The following CEP120 variants were observed in gnomAD, a reference collection of about 807,000 sequenced individuals.
CEP120 encodes centrosomal protein 120.
Under a neutral mutation model 126.5 loss-of-function variants are expected in CEP120, and 113 were observed. The observed-to-expected ratio is 0.89, with a 90% CI of 0.77 to 1.04. The LOEUF (loss-of-function observed/expected upper bound fraction) is 1.04. Ranked by LOEUF, CEP120 falls within the 50% of genes least tolerant of loss-of-function variation. The pLI is 0.00. For missense variants in CEP120, 1,230 were observed against 1,155.7 expected, an observed-to-expected ratio of 1.06 and a Z score of -0.93; for synonymous variants, 400 against 394.3, an observed-to-expected ratio of 1.01 and a Z score of -0.17.
Position 123,345,840 on chromosome 5 carries a change from A to T in CEP120, c.*679T>A, listed in dbSNP as rs10077291. On this transcript the variant is annotated 3_prime_UTR_variant, in exon 20 of 20. Coordinates refer to ENST00000306467, the MANE Select transcript of CEP120 (RefSeq NM_001375405.1). The stretch of plus-strand genomic sequence containing the variant: ...AAAGAAAACAATGCAAACTTGAGGA[A>T]GAAACCAACAGAGAAAACTATATTA... 0.041 allele frequency: 6,291 copies of T among 152,294 alleles called. 224 individuals carry two copies. Among genetic ancestry groups the T allele is most frequent in the Non-Finnish European group, 0.06 (4,085 of 68,016 alleles). 9.4% of individuals were successfully genotyped at this position (152,294 alleles called of 1,614,324 possible).
chr5:123,359,829 A>T (rs1167137405), intron 18 of CEP120, among the ~76,000 whole-genome samples: 1 of 152,070 alleles, frequency 6.6e-6, no homozygotes, highest in African/African-American at 2.4e-5. Flanking sequence ...TTTAATTCAC[A>T]AATAGACTAT....
intron 10 of CEP120, among the ~76,000 whole-genome samples, chr5:123,385,619 GTTT>G (rs35110133): frequency 2.8e-5 from 4 of 140,614 alleles, no homozygotes; most frequent in African/African-American, 5.3e-5. Flanking sequence ...GACTATACCT[GTTT>G]TTTTTTTTTT....
At chr5:123,417,015 T>G (rs1411167203) in intron 2 of CEP120, among the ~76,000 whole-genome samples, 2 of 152,236 alleles carry the variant, frequency 1.3e-5, no homozygotes, top group Non-Finnish European at 2.9e-5. Context: ...TGAATGGATT[T>G]TGCCACTGCT....
At chr5:123,375,953 T>C (rs1020892636) in intron 16 of CEP120, among the ~76,000 whole-genome samples, 31 of 152,138 alleles carry the variant, frequency 2.0e-4, no homozygotes, top group Non-Finnish European at 5.9e-5. Context: ...TACATTGGAA[T>C]TTTTCAAGAA....
At chr5:123,367,747 GTTAAC>G (rs1770567566) in intron 17 of CEP120, among the ~76,000 whole-genome samples, 1 of 151,890 alleles carries the variant, frequency 6.6e-6, no homozygotes, top group Non-Finnish European at 1.5e-5. Flanking sequence ...ATATGTTTAT[GTTAAC>G]TTATTTTTAG....
chr5:123,386,387 A>T, intron 10 of CEP120, 131 bp downstream of exon 10: 1 of 568,548 alleles, frequency 1.8e-6, no homozygotes, highest in Non-Finnish European at 2.7e-6. Context: ...TAATTAGTAA[A>T]TTTGTTTCTT....
chr5:123,396,289 T>C (rs1468275203), intron 5 of CEP120, among the ~76,000 whole-genome samples: 2 of 152,346 alleles, frequency 1.3e-5, no homozygotes, highest in Admixed American at 1.3e-4. Flanking sequence ...TTTGAATACC[T>C]ATTTCCAATA....
intron 10 of CEP120, among the ~76,000 whole-genome samples, chr5:123,386,156 G>T (rs1300456948): frequency 6.6e-6 from 1 of 151,916 alleles, no homozygotes; most frequent in Non-Finnish European, 1.5e-5. Context: ...TTCATTCAGT[G>T]AATCAACAAT....
At chr5:123,358,474 C>A (rs1463832225) in intron 18 of CEP120, 1 of 152,004 alleles carries the variant, frequency 6.6e-6, no homozygotes, top group African/African-American at 2.4e-5. Context: ...TGCTGGTGAT[C>A]TGTAGTGTCT....
intron 16 of CEP120, among the ~76,000 whole-genome samples, chr5:123,375,507 G>A (rs1771146948): frequency 6.6e-6 from 1 of 151,986 alleles, no homozygotes; most frequent in African/African-American, 2.4e-5. Flanking sequence ...ATGTTTTGAA[G>A]AGATGCAGTT....
At chr5:123,416,152 T>C (rs1172423265) in intron 2 of CEP120, 28 bp from the exon 3 acceptor site, 1 of 1,367,814 alleles carries the variant, frequency 7.3e-7, no homozygotes, top group Non-Finnish European at 1.0e-6. Context: ...ATAAATAAAA[T>C]GGTTTTTGCT....
At position 123,383,125 on chromosome 5, in the gene CEP120, TTTATA is replaced by T. The variant is rs752656075; in HGVS notation, c.1764-48_1764-44del. ...AATACCTTAAAATTCACAGAAATAC[TTTATA>T]TTATTTTTCCTTTTATTTCCCCAGT... is the stretch of plus-strand genomic sequence containing the variant. On this transcript the variant is annotated intron_variant, in intron 11 of 19. Coordinates refer to ENST00000306467, the MANE Select transcript of CEP120 (RefSeq NM_001375405.1). 3 of 1,113,036 alleles carry T rather than the reference TTTATA, an allele frequency of 2.7e-6. No individual in the cohort carries two copies. In the African/African-American group the frequency reaches 4.8e-5, roughly 18 times the overall value. The allele number at this position is 1,113,036 out of a possible 1,614,324, so 68.9% of individuals were successfully genotyped here.
chr5:123,394,124 C>T (rs1332038566), intron 5 of CEP120, among the ~76,000 whole-genome samples: 4 of 152,130 alleles, frequency 2.6e-5, no homozygotes, highest in East Asian at 1.9e-4. Context: ...CTTTAATGTT[C>T]ACTAGCATAC....
chr5:123,370,223 A>G (rs1425340914), intron 17 of CEP120, among the ~76,000 whole-genome samples: 1 of 152,064 alleles, frequency 6.6e-6, no homozygotes, highest in African/African-American at 2.4e-5. Flanking sequence ...GTATACAGTA[A>G]GTATTAAAAG....
intron 18 of CEP120, among the ~76,000 whole-genome samples, chr5:123,354,136 ATT>A (rs1460411045): frequency 2.0e-5 from 3 of 152,080 alleles, no homozygotes; most frequent in Admixed American, 6.6e-5. Context: ...AGTTCAAAGT[ATT>A]TTCTAATTTT....
At chr5:123,400,575 C>CTGAATTGATGCTGCTCT in intron 4 of CEP120, among the ~76,000 whole-genome samples, 2 of 149,552 alleles carry the variant, frequency 1.3e-5, no homozygotes, top group Non-Finnish European at 3.0e-5. Context: ...CGTCTATATA[C>CTGAATTGATGCTGCTCT]ATATATATAG....
At chr5:123,411,951 A>G (rs1774087884) in intron 4 of CEP120, among the ~76,000 whole-genome samples, 1 of 152,200 alleles carries the variant, frequency 6.6e-6, no homozygotes, top group Non-Finnish European at 1.5e-5. Flanking sequence ...GGGGACAGGG[A>G]GTATATAGGA....
chr5:123,392,168 G>A (rs1365660480), intron 6 of CEP120, among the ~76,000 whole-genome samples: 1 of 151,974 alleles, frequency 6.6e-6, no homozygotes, highest in East Asian at 1.9e-4. Context: ...ATTTTTATGG[G>A]CTGGAAAAAA....
chr5:123,349,802 C>G (rs1769080179), intron 19 of CEP120, 142 bp downstream of exon 19: 1 of 662,262 alleles, frequency 1.5e-6, no homozygotes, highest in African/African-American at 1.8e-5. Flanking sequence ...CAGTACCCAG[C>G]TGGCATAGAT....
Sources: allele counts gnomAD v4.1 joint callset (sites outside exome capture counted in the v4.1 genomes callset), GRCh38; gene constraint gnomAD v4.1.1; transcripts MANE v1.5; gene names NCBI Gene and HGNC (gene_info 2026-07-23, HGNC 2026-07-21).